Variants in PTPRD observed in about 807,000 individuals in gnomAD.
PTPRD encodes the protein receptor-type tyrosine-protein phosphatase delta.
Under a neutral mutation model 214.5 loss-of-function variants are expected in PTPRD, and 34 were observed. The ratio of observed to expected loss-of-function variants is 0.16; its 90% CI spans 0.12 to 0.21. The LOEUF (loss-of-function observed/expected upper bound fraction) is 0.21, where lower values mean the gene tolerates loss of function less well. Among genes scored for constraint, PTPRD ranks in the 10% least tolerant of loss-of-function variants. The pLI is 1.00. For synonymous variants in PTPRD, 1,128 were observed against 845.7 expected, an observed-to-expected ratio of 1.33 and a Z score of -5.79; for missense variants, 2,545 against 2,398.7, an observed-to-expected ratio of 1.06 and a Z score of -1.27.
At chr9:9,683,003 G>A (rs1331434467) in intron 7 of PTPRD, among the ~76,000 whole-genome samples, 2 of 151,752 alleles carry the variant, frequency 1.3e-5, no homozygotes, top group African/African-American at 4.8e-5. Context: ...TGTAATATAA[G>A]CTAGATAGAC....
At chr9:10,162,708 CGT>C (rs1491538421) in intron 3 of PTPRD, among the ~76,000 whole-genome samples, 2 of 144,570 alleles carry the variant, frequency 1.4e-5, no homozygotes, top group Admixed American at 1.4e-4. Flanking sequence ...TACATATACA[CGT>C]ATATATATAC....
At chr9:9,425,636 A>C (rs1013031744) in intron 8 of PTPRD, among the ~76,000 whole-genome samples, 9 of 151,526 alleles carry the variant, frequency 5.9e-5, no homozygotes, top group Non-Finnish European at 1.3e-4. Context: ...AAAAGAGTAA[A>C]CCATGCCATG....
chr9:10,360,098 G>T (rs374181624), intron 2 of PTPRD, among the ~76,000 whole-genome samples: 2 of 152,154 alleles, frequency 1.3e-5, no homozygotes, highest in East Asian at 3.9e-4. Flanking sequence ...TATAACTATT[G>T]TCATAATTTG....
chr9:9,319,281 G>A lies in PTPRD; in HGVS notation c.-203+78168C>T, dbSNP rs72698814. The stretch of plus-strand genomic sequence containing the variant: ...TTACTTGCTAAATTCCAGTGTTTGG[G>A]AGTGCCTGAGATTTCAGCCTGGTTT... On this transcript the variant is annotated intron_variant, in intron 9 of 45. Transcript: ENST00000381196. Among the ~76,000 whole-genome samples the A allele has an allele frequency of 1.2e-3, 178 of 152,222 alleles. 1 individual carries two copies. The highest frequency in any genetic ancestry group is 2.2e-3 in the Non-Finnish European group (148 of 68,008).
intron 11 of PTPRD, among the ~76,000 whole-genome samples, chr9:8,931,393 C>A (rs910554437): frequency 6.6e-6 from 1 of 152,034 alleles, no homozygotes; most frequent in Admixed American, 6.6e-5. Context: ...AGTCAGGTAG[C>A]GGGATGCCTC....
chr9:10,514,386 A>C (rs13300354), intron 2 of PTPRD, among the ~76,000 whole-genome samples: 1 of 151,570 alleles, frequency 6.6e-6, no homozygotes, highest in Non-Finnish European at 1.5e-5. Context: ...GCAGTCTTTA[A>C]CATTCATAAT....
At chr9:8,925,583 A>G (rs555739900) in intron 11 of PTPRD, among the ~76,000 whole-genome samples, 1 of 146,112 alleles carries the variant, frequency 6.8e-6, no homozygotes, top group East Asian at 2.1e-4. Flanking sequence ...CCGCCAACCA[A>G]GATATTTTTC....
intron 11 of PTPRD, among the ~76,000 whole-genome samples, chr9:8,890,401 C>T (rs1467408117): frequency 1.3e-5 from 2 of 152,162 alleles, no homozygotes; most frequent in African/African-American, 2.4e-5. Context: ...AACTATTGGC[C>T]TCAGGCAAGA....
At chr9:9,427,033 G>T (rs1050582671) in intron 8 of PTPRD, among the ~76,000 whole-genome samples, 1 of 152,206 alleles carries the variant, frequency 6.6e-6, no homozygotes, top group African/African-American at 2.4e-5. Flanking sequence ...CTCCTCGCCA[G>T]CAATGGAACA....
At chr9:10,274,453 A>G (rs1253289477) in intron 3 of PTPRD, among the ~76,000 whole-genome samples, 1 of 152,192 alleles carries the variant, frequency 6.6e-6, no homozygotes, top group Non-Finnish European at 1.5e-5. Flanking sequence ...ATTAGTGCAT[A>G]TAAATTCTTC....
intron 4 of PTPRD, among the ~76,000 whole-genome samples, chr9:10,009,912 G>A (rs1487577803): frequency 6.6e-6 from 1 of 151,754 alleles, no homozygotes; most frequent in African/African-American, 2.4e-5. Flanking sequence ...GGTAATGCTG[G>A]TCAGTTGTGC....
chr9:9,718,465 T>C (rs1473354682), intron 7 of PTPRD, among the ~76,000 whole-genome samples: 1 of 152,122 alleles, frequency 6.6e-6, no homozygotes, highest in Non-Finnish European at 1.5e-5. Context: ...GTGGGAGCCC[T>C]GCGCCCAACT....
At chr9:9,153,888 T>C (rs1391637571) in intron 10 of PTPRD, among the ~76,000 whole-genome samples, 1 of 152,172 alleles carries the variant, frequency 6.6e-6, no homozygotes, top group African/African-American at 2.4e-5. Context: ...GTATCTGATT[T>C]AGGTTGTTAA....
chr9:8,854,183 G>C (rs10759005), intron 11 of PTPRD, among the ~76,000 whole-genome samples: 15,913 of 152,070 alleles, frequency 0.1, 1,086 homozygotes, highest in South Asian at 0.2. Context: ...CATGATTAAA[G>C]GCTTTCTGCA....
intron 14 of PTPRD, among the ~76,000 whole-genome samples, chr9:8,534,772 G>A (rs1167616368): frequency 1.3e-5 from 2 of 151,710 alleles, no homozygotes; most frequent in South Asian, 2.1e-4. Flanking sequence ...GAAAAAGTAC[G>A]AACTTTCTCG....
chr9:9,730,369 G>A (rs1196466806), intron 7 of PTPRD, among the ~76,000 whole-genome samples: 1 of 151,994 alleles, frequency 6.6e-6, no homozygotes, highest in Non-Finnish European at 1.5e-5. Context: ...ATCATTGCGT[G>A]ACTGCAGAAG....
intron 2 of PTPRD, among the ~76,000 whole-genome samples, chr9:10,585,775 A>T (rs1033041140): frequency 2.0e-5 from 3 of 151,984 alleles, no homozygotes; most frequent in Non-Finnish European, 2.9e-5. Flanking sequence ...AAGGGCCCTT[A>T]TTAAATACTG....
chr9:9,817,125 CA>C (rs1455432892), intron 5 of PTPRD, among the ~76,000 whole-genome samples: 1 of 151,928 alleles, frequency 6.6e-6, no homozygotes, highest in Non-Finnish European at 1.5e-5. Context: ...AAGGCTGGCT[CA>C]AAAATGAATC....
chr9:8,314,257 G>A lies in PTPRD; in HGVS notation c.*3617C>T, dbSNP rs1563816705. On this transcript the variant is annotated 3_prime_UTR_variant, in exon 46 of 46. Transcript: ENST00000381196. ...GCAAAGGCCAGGGCTGCATAACACT[G>A]ACATTTTTATTAGAATTCATTTGTA... 9.5e-6 allele frequency: 2 copies of A among 210,656 alleles called. No homozygotes were observed. The highest frequency in any genetic ancestry group is 7.1e-5 in the East Asian group (1 of 14,034). The allele number at this position is 210,656 out of a possible 1,614,324, so 13.0% of individuals were successfully genotyped here. A position where few individuals can be genotyped will look rare whatever the true frequency, so the allele number is the denominator to read the frequency against.
Sources: allele counts gnomAD v4.1 joint callset (sites outside exome capture counted in the v4.1 genomes callset), GRCh38; gene constraint gnomAD v4.1.1; transcripts MANE v1.5; gene names NCBI Gene and HGNC (gene_info 2026-07-23, HGNC 2026-07-21).